Variants in CPLX4 observed in about 807,000 individuals in gnomAD.
CPLX4 encodes the protein complexin-4.
A neutral mutation model predicts 16.1 loss-of-function variants in CPLX4; 17 were observed. The observed-to-expected ratio is 1.06, with a 90% CI of 0.72 to 1.59. The LOEUF (loss-of-function observed/expected upper bound fraction) is 1.59. Ranked by LOEUF, CPLX4 falls within the 40% of genes most tolerant of loss-of-function variation. The pLI is 0.00. For synonymous variants in CPLX4, 55 were observed against 57.8 expected, an observed-to-expected ratio of 0.95 and a Z score of 0.22; for missense variants, 193 against 192.9, an observed-to-expected ratio of 1.00 and a Z score of 0.00.
chr18:59,299,620 T>G (rs2070526283), intron 2 of CPLX4, among the ~76,000 whole-genome samples: 1 of 152,212 alleles, frequency 6.6e-6, no homozygotes. Context: ...AGCTTTGGGA[T>G]GGTTTCCTCC....
At chr18:59,309,985 G>A (rs12457198) in intron 2 of CPLX4, among the ~76,000 whole-genome samples, 218 of 152,224 alleles carry the variant, frequency 1.4e-3, no homozygotes, top group South Asian at 3.7e-3. Flanking sequence ...GTGGCTTATT[G>A]CAAAGCTACT....
intron 2 of CPLX4, among the ~76,000 whole-genome samples, chr18:59,302,030 A>C (rs1395373771): frequency 6.6e-6 from 1 of 152,252 alleles, no homozygotes; most frequent in Non-Finnish European, 1.5e-5. Flanking sequence ...GGGATAAAGA[A>C]GGCATGGACA....
chr18:59,310,375 C>A (rs112765499), intron 2 of CPLX4, among the ~76,000 whole-genome samples: 1 of 152,132 alleles, frequency 6.6e-6, no homozygotes, highest in African/African-American at 2.4e-5. Flanking sequence ...TCAAAAGATA[C>A]CCTGGCACAG....
intron 2 of CPLX4, among the ~76,000 whole-genome samples, chr18:59,311,829 C>T (rs967127394): frequency 1.3e-4 from 20 of 152,180 alleles, no homozygotes; most frequent in Admixed American, 1.1e-3. Context: ...AACATGTCAA[C>T]GCATTCCCTT....
chr18:59,297,935 G>T (rs1176886868), intron 2 of CPLX4, among the ~76,000 whole-genome samples: 1 of 152,152 alleles, frequency 6.6e-6, no homozygotes, highest in Non-Finnish European at 1.5e-5. Flanking sequence ...TGTATTAAGT[G>T]AACCATCAAG....
intron 2 of CPLX4, among the ~76,000 whole-genome samples, chr18:59,306,043 C>T (rs1169322185): frequency 6.6e-6 from 1 of 151,948 alleles, no homozygotes; most frequent in East Asian, 2.0e-4. Flanking sequence ...TGTATTTAGA[C>T]AGACCCTGAA....
At chr18:59,306,553 T>C (rs190463826) in intron 2 of CPLX4, among the ~76,000 whole-genome samples, 1 of 152,368 alleles carries the variant, frequency 6.6e-6, no homozygotes, top group East Asian at 1.9e-4. Context: ...ATTGTTTATC[T>C]AGAGGGCTAT....
chr18:59,297,499 C>T (rs1381594926), intron 2 of CPLX4, among the ~76,000 whole-genome samples: 1 of 152,132 alleles, frequency 6.6e-6, no homozygotes, highest in Non-Finnish European at 1.5e-5. Context: ...AGGCTGGTCT[C>T]GAACTCCTGA....
intron 2 of CPLX4, among the ~76,000 whole-genome samples, chr18:59,297,174 A>T (rs116301072): frequency 5.3e-4 from 80 of 152,264 alleles, no homozygotes; most frequent in African/African-American, 1.9e-3. Flanking sequence ...TCTCTGGACA[A>T]GCAGCATTAG....
chr18:59,316,586 T>G (rs34529876), intron 1 of CPLX4, among the ~76,000 whole-genome samples: 1 of 151,988 alleles, frequency 6.6e-6, no homozygotes, highest in Non-Finnish European at 1.5e-5. Context: ...AGCCAAATGC[T>G]CCATTGTCCT....
At chr18:59,314,854 T>C (rs2070641961) in intron 1 of CPLX4, among the ~76,000 whole-genome samples, 1 of 152,266 alleles carries the variant, frequency 6.6e-6, no homozygotes, top group Admixed American at 6.5e-5. Context: ...TTTTTATTGC[T>C]GAGTAGTAAG....
chr18:59,302,895 C>T lies in CPLX4; in HGVS notation c.256-5970G>A, dbSNP rs149277471. Among the ~76,000 whole-genome samples the T allele has an allele frequency of 2.6e-3, 391 of 152,330 alleles. 1 individual carries two copies. The highest frequency in any genetic ancestry group is 9.1e-3 in the African/African-American group (380 of 41,568). On this transcript the variant is annotated intron_variant, in intron 2 of 2. Coordinates refer to ENST00000299721, the MANE Select transcript of CPLX4 (RefSeq NM_181654.4). The stretch of plus-strand genomic sequence containing the variant: ...GCTAAGCATGTTGTATAAGCAAATA[C>T]CAGTGTGATTGATATTAGGTAGATT...
intron 2 of CPLX4, among the ~76,000 whole-genome samples, chr18:59,306,726 C>T (rs532076031): frequency 3.9e-5 from 6 of 152,290 alleles, no homozygotes; most frequent in East Asian, 1.9e-4. Context: ...TGACAGCTCC[C>T]GGGAAGACAT....
At chr18:59,304,977 A>G (rs1423887678) in intron 2 of CPLX4, among the ~76,000 whole-genome samples, 3 of 148,388 alleles carry the variant, frequency 2.0e-5, no homozygotes, top group Non-Finnish European at 3.0e-5. Flanking sequence ...GCAATTTTCT[A>G]TATCTCAGGC....
intron 2 of CPLX4, among the ~76,000 whole-genome samples, chr18:59,309,822 C>CAAAA (rs369580193): frequency 2.2e-4 from 19 of 86,990 alleles, no homozygotes; most frequent in South Asian, 8.5e-4. Flanking sequence ...GACTCTGTGT[C>CAAAA]AAAAAAAAAA....
At chr18:59,305,093 G>A (rs1168130504) in intron 2 of CPLX4, among the ~76,000 whole-genome samples, 1 of 152,106 alleles carries the variant, frequency 6.6e-6, no homozygotes, top group East Asian at 1.9e-4. Flanking sequence ...AGGAGACATG[G>A]ACTCAAGATA....
intron 1 of CPLX4, among the ~76,000 whole-genome samples, chr18:59,315,084 T>C (rs1462546086): frequency 1.3e-5 from 2 of 152,218 alleles, no homozygotes; most frequent in Non-Finnish European, 2.9e-5. Context: ...TTTAGTTTTA[T>C]AAGAAACAGC....
chr18:59,316,154 T>C lies in CPLX4; in HGVS notation c.167+2142A>G, dbSNP rs865812243. Among the ~76,000 whole-genome samples, 33 of 152,314 alleles carry C rather than the reference T, an allele frequency of 2.2e-4. No individual in the cohort carries two copies. The South Asian group carries it at 2.5e-3, about 11-fold the overall frequency. On this transcript the variant is annotated intron_variant, in intron 1 of 2. Transcript: ENST00000299721. ...ATGGCAAAGAAGCATTTTAATATAA[T>C]TGAGAAAATGGCGGGAGAAACAGAC...
intron 1 of CPLX4, among the ~76,000 whole-genome samples, chr18:59,317,122 C>A (rs571444991): frequency 2.6e-5 from 4 of 152,200 alleles, no homozygotes; most frequent in Non-Finnish European, 5.9e-5. Context: ...GCCATGATTT[C>A]TTTCAGAAAA....
Sources: gnomAD v4.1 joint callset for allele counts (sites outside exome capture counted in the v4.1 genomes callset) on GRCh38, gnomAD v4.1.1 for gene constraint, MANE v1.5 for transcripts, NCBI Gene and HGNC (gene_info 2026-07-23, HGNC 2026-07-21) for gene names.